The following CDX1 variants were observed in gnomAD, a reference collection of about 807,000 sequenced individuals.
The protein encoded by CDX1 is caudal type homeobox 1, also known as homeobox protein CDX-1.
CDX1 carries 9 observed loss-of-function variants against 16.9 expected under a neutral mutation model. The observed-to-expected ratio is 0.53, with a 90% CI of 0.32 to 0.93. The LOEUF is 0.93. Ranked by LOEUF, CDX1 falls within the 40% of genes least tolerant of loss-of-function variation. CDX1 has a pLI of 0.04. For missense variants in CDX1, 393 were observed against 386.1 expected, an observed-to-expected ratio of 1.02 and a Z score of -0.15; for synonymous variants, 179 against 179.0, an observed-to-expected ratio of 1.00 and a Z score of 0.00.
At chr5:150,183,021 C>A in intron 2 of CDX1, 108 bp downstream of exon 2, 1 of 1,315,830 alleles carries the variant, frequency 7.6e-7, no homozygotes, top group East Asian at 2.5e-5. Context: ...GAGGTTGAGT[C>A]TCCAGGCCAT....
At chr5:150,182,086 G>A (rs994442254) in intron 1 of CDX1, among the ~76,000 whole-genome samples, 2 of 152,154 alleles carry the variant, frequency 1.3e-5, no homozygotes, top group Non-Finnish European at 1.5e-5. Flanking sequence ...CCAGGCATTC[G>A]GCAAGAACTA....
At position 150,182,719 on chromosome 5, in the gene CDX1, G is replaced by A. The variant is rs78353253; in HGVS notation, c.446-49G>A. The A allele has an allele frequency of 1.2e-3, 1,851 of 1,498,208 alleles. 19 individuals carry two copies. In the African/African-American group the frequency reaches 0.024, roughly 19 times the overall value. 92.8% of individuals were successfully genotyped at this position (1,498,208 alleles called of 1,614,324 possible). ...GGGTCCTGCCTGGGCCTTTTTTGTA[G>A]CCTCCTCCTCTCAACTCACCTTCCT... On this transcript the variant is annotated intron_variant, in intron 1 of 2. Coordinates refer to ENST00000231656, the MANE Select transcript of CDX1 (RefSeq NM_001804.3).
At chr5:150,180,080 T>C (rs1761622260) in intron 1 of CDX1, among the ~76,000 whole-genome samples, 1 of 152,208 alleles carries the variant, frequency 6.6e-6, no homozygotes, top group Non-Finnish European at 1.5e-5. Flanking sequence ...CCCCGATCTC[T>C]TCCTCAGTAA....
In CDX1 at chr5:150,183,521, C is replaced by T; in HGVS notation, c.639C>T (p.Asn213=). The change falls in exon 3 of 3, where the codon AAC becomes AAT. Residue 213 remains asparagine, a synonymous_variant. Coordinates refer to ENST00000231656, the MANE Select transcript of CDX1 (RefSeq NM_001804.3). Reference sequence around the variant, plus strand: ...GGCGGGCAAAGGAGCGCAAAGTGAACAAGAAGAAACAGCAGCAGCAACAGC... The same window carrying T: ...GGCGGGCAAAGGAGCGCAAAGTGAATAAGAAGAAACAGCAGCAGCAACAGC... ...QNRRAKERKV[N]KKKQQQQQPP... 2 of 1,611,972 alleles carry T rather than the reference C, an allele frequency of 1.2e-6. No individual in the cohort carries two copies. The highest frequency in any genetic ancestry group is 1.7e-6 in the Non-Finnish European group (2 of 1,178,606).
intron 1 of CDX1, among the ~76,000 whole-genome samples, chr5:150,175,531 C>T (rs918108734): frequency 2.0e-5 from 3 of 152,110 alleles, no homozygotes; most frequent in Non-Finnish European, 4.4e-5. Context: ...TGGCCATTGT[C>T]CCCCTTTCCC....
intron 2 of CDX1, 89 bp downstream of exon 2, chr5:150,183,002 G>A: frequency 7.0e-7 from 1 of 1,426,218 alleles, no homozygotes; most frequent in Non-Finnish European, 9.4e-7. Context: ...TCAGTAGAAG[G>A]AAAACAGAGA....
chr5:150,175,688 G>C (rs1761560852), intron 1 of CDX1, among the ~76,000 whole-genome samples: 2 of 152,188 alleles, frequency 1.3e-5, no homozygotes, highest in African/African-American at 4.8e-5. Flanking sequence ...TCCATCCATT[G>C]TAGAGCTGGT....
At position 150,182,842 on chromosome 5, in the gene CDX1, C is replaced by G. The variant is rs1345991254; in HGVS notation, c.520C>G (p.His174Asp). The change falls in exon 2 of 3, where the codon CAT becomes GAT. Residue 174 changes from histidine to aspartate, a missense_variant. Physicochemically the swap from His to Asp is moderately conservative, Grantham distance 81 (BLOSUM62 -1). Coordinates refer to ENST00000231656, the MANE Select transcript of CDX1 (RefSeq NM_001804.3). ...ACGCCTGGAGCTGGAGAAGGAGTTT[C>G]ATTACAGCCGTTACATCACAATCCG... ...HQRLELEKEF[H>D]YSRYITIRRK... is the part of the protein sequence containing the mutation. 1.2e-6 allele frequency: 2 copies of G among 1,613,562 alleles called. No homozygotes were observed. Among genetic ancestry groups the G allele is most frequent in the African/African-American group, 1.3e-5 (1 of 74,912 alleles).
intron 1 of CDX1, among the ~76,000 whole-genome samples, chr5:150,181,394 G>A (rs1382584714): frequency 6.6e-6 from 1 of 152,176 alleles, no homozygotes; most frequent in African/African-American, 2.4e-5. Flanking sequence ...TCCCGCCTCA[G>A]CCTCCTGGGT....
At position 150,182,867 on chromosome 5, in the gene CDX1, G is replaced by A. The variant is rs545571678; in HGVS notation, c.545G>A (p.Arg182Gln). ...EFHYSRYITI[R>Q]RKSELAANLG... ...CATTACAGCCGTTACATCACAATCC[G>A]GCGGAAATCAGAGCTGGCTGCCAAT... Residue 182 changes from arginine to glutamine, a missense_variant, in exon 2 of 3, where the codon CGG becomes CAG. By Grantham distance (43) the Arg-to-Gln change is conservative (BLOSUM62 1). Transcript: ENST00000231656. The A allele has an allele frequency of 1.9e-5, 31 of 1,613,066 alleles. No individual in the cohort carries two copies. Among genetic ancestry groups the A allele is most frequent in the African/African-American group, 5.3e-5 (4 of 74,984 alleles).
In CDX1 at chr5:150,167,050, G is replaced by A. The variant is rs1286652392; in HGVS notation, c.174G>A (p.Pro58=). ...ACGTGGAGCCGGCCCCCGCGCCCCCGACGGCCTGGGGGGCGCCCTTCCCTG... is the reference window on the plus strand; with the variant it reads ...ACGTGGAGCCGGCCCCCGCGCCCCCAACGGCCTGGGGGGCGCCCTTCCCTG... ...YSHVEPAPAP[P]TAWGAPFPAP... The change falls in exon 1 of 3, where the codon CCG becomes CCA. Residue 58 remains proline (P), a synonymous_variant. Coordinates refer to ENST00000231656, the MANE Select transcript of CDX1 (RefSeq NM_001804.3). 3 of 1,424,802 alleles carry A rather than the reference G, an allele frequency of 2.1e-6. No individual in the cohort carries two copies. Among genetic ancestry groups the A allele is most frequent in the Non-Finnish European group, 2.7e-6 (3 of 1,094,552 alleles). 88.3% of individuals were successfully genotyped at this position (1,424,802 alleles called of 1,614,324 possible).
intron 1 of CDX1, among the ~76,000 whole-genome samples, chr5:150,176,977 G>T (rs959391672): frequency 6.6e-6 from 1 of 152,260 alleles, no homozygotes; most frequent in Non-Finnish European, 1.5e-5. Flanking sequence ...TTCAGAGCTG[G>T]ATTTGTGGTC....
chr5:150,182,043 C>G (rs1203057345), intron 1 of CDX1, among the ~76,000 whole-genome samples: 1 of 152,176 alleles, frequency 6.6e-6, no homozygotes, highest in Non-Finnish European at 1.5e-5. Flanking sequence ...CAGCAGCAGC[C>G]CCAGTCCTCC....
At chr5:150,167,352 G>C in intron 1 of CDX1, 31 bp downstream of exon 1, 4 of 1,231,432 alleles carry the variant, frequency 3.2e-6, no homozygotes, top group Non-Finnish European at 3.0e-6. Context: ...CTGCGCCTCT[G>C]GACCTGCAGG....
chr5:150,167,494 G>A (rs1250360884), intron 1 of CDX1, among the ~76,000 whole-genome samples, 173 bp downstream of exon 1: 1 of 152,184 alleles, frequency 6.6e-6, no homozygotes, highest in Non-Finnish European at 1.5e-5. Flanking sequence ...TCAGTCTCAG[G>A]CTATCGGAGC....
At position 150,179,996 on chromosome 5, in the gene CDX1, C is replaced by T. The variant is rs576943259; in HGVS notation, c.446-2772C>T. ...GCCTGGGCCTCAGTGACCCTGACTA[C>T]ACAGGGAGGTAGGACTGGAAGGGCT... On this transcript the variant is annotated intron_variant, in intron 1 of 2. Coordinates refer to ENST00000231656, the MANE Select transcript of CDX1 (RefSeq NM_001804.3). 4.4e-4 allele frequency among the ~76,000 whole-genome samples: 67 copies of T among 152,376 alleles called. No individual in the cohort carries two copies. The East Asian group carries it at 4.8e-3, about 11-fold the overall frequency.
In CDX1 at chr5:150,167,580, C is replaced by T. The variant is rs186433148; in HGVS notation, c.445+259C>T. On this transcript the variant is annotated intron_variant, in intron 1 of 2. Coordinates refer to ENST00000231656, the MANE Select transcript of CDX1 (RefSeq NM_001804.3). Reference sequence around the variant, plus strand: ...CCCCCTGCGAAGTGCGGAAATGCGCCTGCGGCCGCGGAGCAAGACCCGAAC... The same window carrying T: ...CCCCCTGCGAAGTGCGGAAATGCGCTTGCGGCCGCGGAGCAAGACCCGAAC... Among the ~76,000 whole-genome samples the T allele has an allele frequency of 4.7e-4, 71 of 152,350 alleles. No individual in the cohort carries two copies. The East Asian group carries it at 0.013, about 27-fold the overall frequency.
intron 1 of CDX1, among the ~76,000 whole-genome samples, chr5:150,171,354 G>T (rs1198656378): frequency 1.3e-5 from 2 of 151,214 alleles, no homozygotes; most frequent in African/African-American, 4.9e-5. Context: ...TCTTTTTTTT[G>T]AGACAGAATC....
intron 1 of CDX1, among the ~76,000 whole-genome samples, chr5:150,175,789 G>A (rs903749565): frequency 2.6e-5 from 4 of 152,118 alleles, no homozygotes; most frequent in African/African-American, 2.4e-5. Context: ...CTGGTGGGCC[G>A]GCCAGATCTC....
Sources: gnomAD v4.1 joint callset for allele counts (sites outside exome capture counted in the v4.1 genomes callset) on GRCh38, gnomAD v4.1.1 for gene constraint, MANE v1.5 for transcripts, NCBI Gene and HGNC (gene_info 2026-07-23, HGNC 2026-07-21) for gene names.